DACH1: variants seen among roughly 807,000 people sequenced by gnomAD.
The protein encoded by DACH1 is dachshund homolog 1.
Under a neutral mutation model 54.2 loss-of-function variants are expected in DACH1, and 12 were observed. The observed-to-expected ratio is 0.22, with a 90% CI of 0.14 to 0.36. The LOEUF is 0.36. DACH1 is among the 10% of genes least tolerant of loss of function. The pLI is 1.00. For synonymous variants in DACH1, 386 were observed against 366.2 expected (o/e 1.05, Z -0.62); for missense variants, 805 against 929.8 (o/e 0.87, Z 1.75).
chr13:71,532,797 GT>G (rs1393939780), intron 6 of DACH1, among the ~76,000 whole-genome samples: 4 of 151,822 alleles, frequency 2.6e-5, no homozygotes, highest in Non-Finnish European at 5.9e-5. Flanking sequence ...AATTGGGGTA[GT>G]TGTGATTATA....
intron 10 of DACH1, among the ~76,000 whole-genome samples, chr13:71,463,064 C>T (rs1364992074): frequency 6.6e-6 from 1 of 151,968 alleles, no homozygotes; most frequent in Non-Finnish European, 1.5e-5. Flanking sequence ...AAGGTCACAA[C>T]ATTAATGAAT....
At chr13:71,663,809 C>T (rs779060021) in intron 2 of DACH1, among the ~76,000 whole-genome samples, 15 of 151,792 alleles carry the variant, frequency 9.9e-5, no homozygotes, top group African/African-American at 2.4e-4. Flanking sequence ...AGGTATTTGA[C>T]GATAGTTGAT....
chr13:71,819,841 A>G (rs1888116396), intron 1 of DACH1, among the ~76,000 whole-genome samples: 7 of 152,160 alleles, frequency 4.6e-5, no homozygotes, highest in Admixed American at 4.6e-4. Flanking sequence ...CAAGTAAGAT[A>G]ATTTCAGATA....
chr13:71,805,812 CT>C lies in DACH1; in HGVS notation c.848+60109del, dbSNP rs113993536. On this transcript the variant is annotated intron_variant, in intron 1 of 10. Transcript: ENST00000613252. ...TGCGATAATAATATTCATTTGAATT[CT>C]TTTTTTTTGAGATGGAATCTAGCTC... Among the ~76,000 whole-genome samples the C allele has an allele frequency of 9.4e-3, 1,421 of 151,238 alleles. 16 individuals are homozygous for C. The highest frequency in any genetic ancestry group is 0.031 in the African/African-American group (1,274 of 41,230).
intron 2 of DACH1, among the ~76,000 whole-genome samples, chr13:71,659,157 T>C (rs968290979): frequency 1.3e-5 from 2 of 152,094 alleles, no homozygotes; most frequent in Non-Finnish European, 2.9e-5. Context: ...ATTTACGTAA[T>C]GAATACTGAG....
chr13:71,488,789 A>ACATATATATGAATATATATATATAT (rs894251328), intron 7 of DACH1, among the ~76,000 whole-genome samples: 2 of 151,156 alleles, frequency 1.3e-5, no homozygotes, highest in Non-Finnish European at 2.9e-5. Flanking sequence ...GGCTTAATAT[A>ACATATATATGAATATATATATATAT]CATATATATG....
chr13:71,720,767 A>C (rs1883196392), intron 1 of DACH1, among the ~76,000 whole-genome samples: 1 of 152,182 alleles, frequency 6.6e-6, no homozygotes, highest in African/African-American at 2.4e-5. Context: ...ATGATACATG[A>C]TAGCAGACAG....
At chr13:71,608,195 C>A (rs1404002208) in intron 3 of DACH1, among the ~76,000 whole-genome samples, 1 of 151,766 alleles carries the variant, frequency 6.6e-6, no homozygotes, top group African/African-American at 2.4e-5. Context: ...TTTTTCTGAA[C>A]AGTATGTATA....
chr13:71,798,186 A>G lies in DACH1; in HGVS notation c.848+67736T>C, dbSNP rs575596885. 3.1e-3 allele frequency among the ~76,000 whole-genome samples: 471 copies of G among 151,864 alleles called. 3 individuals are homozygous for G. The highest frequency in any genetic ancestry group is 4.4e-3 in the Non-Finnish European group (299 of 67,874). On this transcript the variant is annotated intron_variant, in intron 1 of 10. Coordinates refer to ENST00000613252, the MANE Select transcript of DACH1 (RefSeq NM_080759.6). The stretch of plus-strand genomic sequence containing the variant: ...AGGGTTTCAAAAATGTCACCTCTCC[A>G]AACACCATAAGCAGACTTAAATGAC...
chr13:71,623,526 T>C (rs1876405256), intron 3 of DACH1, among the ~76,000 whole-genome samples: 1 of 151,808 alleles, frequency 6.6e-6, no homozygotes, highest in South Asian at 2.1e-4. Context: ...ATCCATCATA[T>C]AATGCTTGCA....
At chr13:71,635,823 C>G (rs1294594646) in intron 2 of DACH1, among the ~76,000 whole-genome samples, 1 of 152,124 alleles carries the variant, frequency 6.6e-6, no homozygotes, top group Non-Finnish European at 1.5e-5. Flanking sequence ...CTCTGTCACC[C>G]AGGCTGGAGT....
intron 2 of DACH1, among the ~76,000 whole-genome samples, chr13:71,646,925 AT>A (rs1878314510): frequency 6.6e-6 from 1 of 152,222 alleles, no homozygotes; most frequent in Non-Finnish European, 1.5e-5. Flanking sequence ...TGCCATTACT[AT>A]TTACCAATAC....
chr13:71,683,057 T>C (rs903342213), intron 1 of DACH1, among the ~76,000 whole-genome samples: 1 of 152,116 alleles, frequency 6.6e-6, no homozygotes, highest in Admixed American at 6.5e-5. Context: ...TATCAGAAGA[T>C]TCAAAGATGT....
intron 2 of DACH1, among the ~76,000 whole-genome samples, chr13:71,669,049 T>G (rs1026879799): frequency 6.6e-6 from 1 of 152,232 alleles, no homozygotes; most frequent in Admixed American, 6.5e-5. Context: ...ATAACTGGTA[T>G]TCCATGTGAA....
At chr13:71,797,283 G>A (rs303940) in intron 1 of DACH1, among the ~76,000 whole-genome samples, 75,375 of 151,842 alleles carry the variant, frequency 0.5, 19,839 homozygotes, top group East Asian at 0.86. Flanking sequence ...GAAGGATTTA[G>A]AAAAGAAAAC....
intron 6 of DACH1, among the ~76,000 whole-genome samples, chr13:71,531,846 G>C (rs2225438): frequency 1 from 152,057 of 152,058 alleles, 76,028 homozygotes; most frequent in Non-Finnish European, 1. Flanking sequence ...ATGCCTGTTC[G>C]ATCACATTGA....
At chr13:71,577,756 CAG>C (rs1233561596) in intron 3 of DACH1, among the ~76,000 whole-genome samples, 1 of 151,808 alleles carries the variant, frequency 6.6e-6, no homozygotes, top group Non-Finnish European at 1.5e-5. Flanking sequence ...AAAGAATAAA[CAG>C]AAATAAAGGG....
At chr13:71,783,986 A>C (rs1009341260) in intron 1 of DACH1, among the ~76,000 whole-genome samples, 32 of 151,492 alleles carry the variant, frequency 2.1e-4, no homozygotes, top group Non-Finnish European at 4.0e-4. Context: ...AAAAACAAAA[A>C]AAAAACTAAA....
chr13:71,651,672 ATCTGTATC>A (rs1878686224), intron 2 of DACH1, among the ~76,000 whole-genome samples: 3 of 137,562 alleles, frequency 2.2e-5, no homozygotes, highest in Non-Finnish European at 3.0e-5. Context: ...CTGTATCTGT[ATCTGTATC>A]TGTATATGTA....
Sources: gnomAD v4.1 joint callset for allele counts (sites outside exome capture counted in the v4.1 genomes callset) on GRCh38, gnomAD v4.1.1 for gene constraint, MANE v1.5 for transcripts, NCBI Gene and HGNC (gene_info 2026-07-23, HGNC 2026-07-21) for gene names.